The following KDM8 variants were observed in gnomAD, a reference collection of about 807,000 sequenced individuals.
KDM8 encodes bifunctional peptidase and arginyl-hydroxylase JMJD5.
A neutral mutation model predicts 46.9 loss-of-function variants in KDM8; 35 were observed. The ratio of observed to expected loss-of-function variants is 0.75; its 90% confidence interval spans 0.57 to 0.99. KDM8 has a LOEUF of 0.99. Ranked by LOEUF, KDM8 falls within the 50% of genes least tolerant of loss-of-function variation. The pLI is 0.00. For missense variants in KDM8, 475 were observed against 537.0 expected, an observed-to-expected ratio of 0.88 and a Z score of 1.14; for synonymous variants, 232 against 227.7, an observed-to-expected ratio of 1.02 and a Z score of -0.17.
intron 6 of KDM8, 143 bp downstream of exon 6, chr16:27,219,253 A>C (rs2140976656): frequency 1.0e-3 from 863 of 822,760 alleles, no homozygotes; most frequent in East Asian, 2.2e-3. Flanking sequence ...TATAAAGCAA[A>C]CCCACAAACG....
intron 2 of KDM8, chr16:27,213,279 A>G: frequency 3.9e-6 from 1 of 253,838 alleles, no homozygotes; most frequent in Non-Finnish European, 7.6e-6. Context: ...GGAAAAGAAT[A>G]GGAATGAGAA....
At chr16:27,208,949 G>A (rs996239201) in intron 1 of KDM8, among the ~76,000 whole-genome samples, 1 of 152,218 alleles carries the variant, frequency 6.6e-6, no homozygotes, top group Non-Finnish European at 1.5e-5. Flanking sequence ...TATAAGCTCA[G>A]CCCTGTGGAT....
chr16:27,207,160 C>A lies in KDM8; in HGVS notation c.-31-2933C>A, dbSNP rs143851077. On this transcript the variant is annotated intron_variant, in intron 1 of 7. Transcript: ENST00000286096. ...TGGTGGCTCACACCTGTAATCCCGG[C>A]ACTTTAGGAGGCTGAGGTGGGTGGA... is the stretch of plus-strand genomic sequence containing the variant. 2.0e-3 allele frequency among the ~76,000 whole-genome samples: 309 copies of A among 152,314 alleles called. 6 individuals are homozygous for A. In the East Asian group the frequency reaches 0.036, roughly 18 times the overall value.
Position 27,210,268 on chromosome 16 carries a change from T to C in KDM8, c.145T>C (p.Leu49=). 1 of 1,613,212 alleles carries C rather than the reference T, an allele frequency of 6.2e-7. No individual in the cohort carries two copies. The highest frequency in any genetic ancestry group is 8.5e-7 in the Non-Finnish European group (1 of 1,180,030). ...AGTGGAGAGGAGCGTGGTGACATTG[T>C]TGCAGCGAGCCACTGAGCTCTTCTA... ...EKVERSVVTL[L]QRATELFYEG... is the part of the protein sequence containing the mutation. Residue 49 remains leucine (L), a synonymous_variant, in exon 2 of 8, where the codon TTG becomes CTG. Coordinates refer to ENST00000286096, the MANE Select transcript of KDM8 (RefSeq NM_024773.3).
chr16:27,203,885 G>A, intron 1 of KDM8: 2 of 471,900 alleles, frequency 4.2e-6, no homozygotes, highest in South Asian at 6.8e-5. Context: ...CTCGTCTCTT[G>A]GCAGTGGTTT....
chr16:27,207,711 G>A (rs2083441070), intron 1 of KDM8, among the ~76,000 whole-genome samples: 1 of 152,214 alleles, frequency 6.6e-6, no homozygotes, highest in Non-Finnish European at 1.5e-5. Context: ...TCCCGGAGTA[G>A]CTGGGGCTAC....
At chr16:27,215,145 G>C (rs116486597) in intron 4 of KDM8, 137 bp downstream of exon 4, 1 of 975,102 alleles carries the variant, frequency 1.0e-6, no homozygotes, top group East Asian at 2.5e-5. Flanking sequence ...AGGGACGACC[G>C]CAGCGAGGAA....
Position 27,210,161 on chromosome 16 carries a change from C to A in KDM8, c.38C>A (p.Ala13Asp), listed in dbSNP as rs562440738. Residue 13 changes from alanine (A) to aspartate (D), a missense_variant, in exon 2 of 8, where the codon GCC (alanine) becomes GAC (aspartate). Ala to Asp is a moderately radical substitution (Grantham distance 126). Transcript: ENST00000286096. ...ACCCACTGCCCCGCAGAGCCCCTGG[C>A]CAGAGAAGGCACTTTATGGGAGGCC... ...GDTHCPAEPL[A>D]REGTLWEALR... 2.0e-5 allele frequency: 32 copies of A among 1,613,464 alleles called. No homozygotes were observed. Among genetic ancestry groups the A allele is most frequent in the Non-Finnish European group, 2.6e-5 (31 of 1,180,014 alleles).
rs1185768701 is a variant in KDM8, at chr16:27,203,532, A to G, written c.-136A>G. On this transcript the variant is annotated 5_prime_UTR_variant, in exon 1 of 8. The change abolishes an upstream ATG in the 5' untranslated region. Transcript: ENST00000286096. Reference sequence around the variant, plus strand: ...CGAGCGGTGAGCGATCGATACTCCTATGCTAGCCTCTGGCTCCTCAGGGGA... The same window carrying G: ...CGAGCGGTGAGCGATCGATACTCCTGTGCTAGCCTCTGGCTCCTCAGGGGA... 6.5e-6 allele frequency: 1 copy of G among 152,834 alleles called. No individual in the cohort carries two copies. Among genetic ancestry groups the G allele is most frequent in the East Asian group, 1.9e-4 (1 of 5,204 alleles). 9.5% of individuals were successfully genotyped at this position (152,834 alleles called of 1,614,324 possible). A position where few individuals can be genotyped will look rare whatever the true frequency, so the allele number is the denominator to read the frequency against.
At chr16:27,204,005 A>C (rs771508533) in intron 1 of KDM8, 3 of 1,116,328 alleles carry the variant, frequency 2.7e-6, no homozygotes, top group Middle Eastern at 2.1e-4. Flanking sequence ...ATACTCTGCT[A>C]TATGTGTGTC....
chr16:27,204,017 G>T, intron 1 of KDM8: 2 of 1,291,788 alleles, frequency 1.5e-6, no homozygotes, highest in Non-Finnish European at 2.2e-6. Context: ...ATGTGTGTCC[G>T]CTGCTTTTAG....
At chr16:27,211,121 CT>C (rs370003010) in intron 2 of KDM8, 37,089 of 385,044 alleles carry the variant, frequency 0.096, no homozygotes, top group Middle Eastern at 0.18. Context: ...CATTTTCTCT[CT>C]TTTTTTTTTT....
At position 27,213,852 on chromosome 16, in the gene KDM8, T is replaced by C. The variant is rs974959277; in HGVS notation, c.665+101T>C. ...CCATCCCCAGGGAAATGCAACCTTG[T>C]AGATGCTTCACTAGCAGCCCTTGAC... On this transcript the variant is annotated intron_variant, in intron 3 of 7. Coordinates refer to ENST00000286096, the MANE Select transcript of KDM8 (RefSeq NM_024773.3). The C allele has an allele frequency of 1.0e-5, 12 of 1,183,084 alleles. No homozygotes were observed. The African/African-American group carries it at 1.5e-4, about 15-fold the overall frequency. The allele number at this position is 1,183,084 out of a possible 1,614,324, so 73.3% of individuals were successfully genotyped here.
Position 27,221,281 on chromosome 16 carries a change from T to C in KDM8, c.*551T>C. ...CCCAATTACTCTGATCCTTTTGCCCTTCCTTCCCATAACGGCCTGCTGGAC... is the reference window on the plus strand; with the variant it reads ...CCCAATTACTCTGATCCTTTTGCCCCTCCTTCCCATAACGGCCTGCTGGAC... On this transcript the variant is annotated 3_prime_UTR_variant, in exon 8 of 8. Transcript: ENST00000286096. 4.4e-6 allele frequency: 1 copy of C among 229,558 alleles called. No individual in the cohort carries two copies. The highest frequency in any genetic ancestry group is 6.5e-5 in the South Asian group (1 of 15,386). The allele number at this position is 229,558 out of a possible 1,614,324, so 14.2% of individuals were successfully genotyped here. A position where few individuals can be genotyped will look rare whatever the true frequency, so the allele number is the denominator to read the frequency against.
intron 5 of KDM8, among the ~76,000 whole-genome samples, chr16:27,217,894 G>A (rs551581197): frequency 7.3e-5 from 11 of 151,494 alleles, no homozygotes; most frequent in Middle Eastern, 3.4e-3. Context: ...GTGGCCTGGG[G>A]GGTGTGGGCT....
intron 2 of KDM8, among the ~76,000 whole-genome samples, chr16:27,212,682 C>T (rs982122926): frequency 4.6e-5 from 7 of 152,068 alleles, no homozygotes; most frequent in Non-Finnish European, 1.0e-4. Flanking sequence ...TGTAGTGAGC[C>T]GAGATTGTGC....
At chr16:27,215,867 G>A (rs1567265432) in intron 4 of KDM8, 78 bp from the exon 5 acceptor site, 1 of 1,447,680 alleles carries the variant, frequency 6.9e-7, no homozygotes, top group Non-Finnish European at 9.7e-7. Flanking sequence ...GGGGCCAGCT[G>A]GACAGCAGCA....
intron 1 of KDM8, among the ~76,000 whole-genome samples, chr16:27,207,278 T>C (rs532544547): frequency 6.6e-6 from 1 of 152,258 alleles, no homozygotes; most frequent in Non-Finnish European, 1.5e-5. Flanking sequence ...CGTGATGGCA[T>C]GCGTGCCTGT....
chr16:27,219,796 C>G (rs1011003622), intron 6 of KDM8, among the ~76,000 whole-genome samples: 1 of 152,202 alleles, frequency 6.6e-6, no homozygotes, highest in African/African-American at 2.4e-5. Context: ...TGAAGATAAA[C>G]CACCTCAGAG....
Sources: allele counts gnomAD v4.1 joint callset (sites outside exome capture counted in the v4.1 genomes callset), GRCh38; gene constraint gnomAD v4.1.1; transcripts MANE v1.5; gene names NCBI Gene and HGNC (gene_info 2026-07-23, HGNC 2026-07-21).